Variants in FHIP2B observed in about 807,000 individuals in gnomAD.
FHIP2B encodes the protein FHF complex subunit HOOK-interacting protein 2B.
FHIP2B carries 72 observed loss-of-function variants against 84.0 expected under a neutral mutation model. That is an observed-to-expected ratio of 0.86 (90% CI 0.71 to 1.04). The LOEUF (loss-of-function observed/expected upper bound fraction) is 1.04. Ranked by LOEUF, FHIP2B falls within the 50% of genes least tolerant of loss-of-function variation. The pLI is 0.00. For synonymous variants in FHIP2B, 497 were observed against 418.7 expected (o/e 1.19, Z -2.28); for missense variants, 972 against 968.9 (o/e 1.00, Z -0.04).
At chr8:22,094,377 A>C in intron 1 of FHIP2B, 63 bp from the exon 2 acceptor site, 1 of 1,503,954 alleles carries the variant, frequency 6.6e-7, no homozygotes, top group South Asian at 1.3e-5. Flanking sequence ...ATCTGTTCCC[A>C]TGCGGGCAGG....
chr8:22,097,688 CCT>C (rs1290393936), intron 4 of FHIP2B, 27 bp from the exon 5 acceptor site: 3 of 1,610,850 alleles, frequency 1.9e-6, no homozygotes, highest in East Asian at 2.2e-5. Flanking sequence ...ACCCCTCTCC[CCT>C]CTGTTTCTGT....
intron 2 of FHIP2B, chr8:22,095,776 C>T (rs1036963803): frequency 6.6e-6 from 1 of 152,302 alleles, no homozygotes; most frequent in African/African-American, 2.4e-5. Flanking sequence ...CAAAAGCCCC[C>T]ACTAAGTAGC....
rs766016466 is a variant in FHIP2B at position 22,099,707 on chromosome 8, C to T, written c.1155C>T (p.Ser385=). The change falls in exon 10 of 17, where the codon TCC becomes TCT. Residue 385 remains serine (S), a synonymous_variant. Transcript: ENST00000289921. ...CTAAGGTGCCCTCTTCCCGTAGGTCCGAGCAGAGCATCTTGACCTCCACCG... is the reference window on the plus strand; with the variant it reads ...CTAAGGTGCCCTCTTCCCGTAGGTCTGAGCAGAGCATCTTGACCTCCACCG... ...ETLQPQLLHV[S]EQSILTSTAL... 2.5e-5 allele frequency: 39 copies of T among 1,581,596 alleles called. No individual in the cohort carries two copies. The Middle Eastern group carries it at 9.1e-4, about 37-fold the overall frequency.
At chr8:22,090,729 A>G (rs571191677) in intron 1 of FHIP2B, among the ~76,000 whole-genome samples, 5 of 152,068 alleles carry the variant, frequency 3.3e-5, no homozygotes, top group Non-Finnish European at 5.9e-5. Context: ...GGCTCAAGCA[A>G]TCCTCCCACC....
intron 5 of FHIP2B, 108 bp downstream of exon 5, chr8:22,097,947 G>T: frequency 9.1e-6 from 14 of 1,546,282 alleles, no homozygotes; most frequent in South Asian, 3.7e-5. Context: ...CGGGAGGCAC[G>T]CAGGCAGCTT....
At chr8:22,093,427 A>G (rs1432782375) in intron 1 of FHIP2B, among the ~76,000 whole-genome samples, 1 of 151,966 alleles carries the variant, frequency 6.6e-6, no homozygotes, top group Non-Finnish European at 1.5e-5. Context: ...CACTCATGGA[A>G]AAGGGGGAGG....
chr8:22,093,329 T>C (rs1825593319), intron 1 of FHIP2B, among the ~76,000 whole-genome samples: 1 of 152,136 alleles, frequency 6.6e-6, no homozygotes, highest in South Asian at 2.1e-4. Context: ...TTGTTGTTGT[T>C]GTTGTTGTTG....
At position 22,097,846 on chromosome 8, in the gene FHIP2B, A is replaced by C. The variant is rs1332674507; in HGVS notation, c.525+7A>C. On this transcript the variant is annotated splice_region_variant and intron_variant, in intron 5 of 16. Transcript: ENST00000289921. The stretch of plus-strand genomic sequence containing the variant: ...GCTCGCCTACATCCTGGAAGTGAGC[A>C]CTCTGATCGGGAACAGGAGGGGGAG... 3 of 1,611,646 alleles carry C rather than the reference A, an allele frequency of 1.9e-6. No individual in the cohort carries two copies. Among genetic ancestry groups the C allele is most frequent in the Non-Finnish European group, 2.5e-6 (3 of 1,178,648 alleles).
chr8:22,094,229 T>G (rs544802271), intron 1 of FHIP2B, among the ~76,000 whole-genome samples: 1 of 152,110 alleles, frequency 6.6e-6, no homozygotes, highest in Admixed American at 6.5e-5. Flanking sequence ...GAGGGGTATC[T>G]AGGGAGAAGT....
intron 1 of FHIP2B, among the ~76,000 whole-genome samples, chr8:22,090,400 C>T (rs1360327681): frequency 6.6e-6 from 1 of 152,186 alleles, no homozygotes; most frequent in Admixed American, 6.5e-5. Flanking sequence ...CTATGACTTC[C>T]TCCACCTTCC....
chr8:22,099,718 T>G lies in FHIP2B; in HGVS notation c.1166T>G (p.Ile389Ser). The change falls in exon 10 of 17, where the codon ATC becomes AGC. Residue 389 changes from isoleucine (I) to serine (S), a missense_variant. By Grantham distance (142) the Ile-to-Ser change is moderately radical. Coordinates refer to ENST00000289921, the MANE Select transcript of FHIP2B (RefSeq NM_022749.7). ...TCTTCCCGTAGGTCCGAGCAGAGCA[T>G]CTTGACCTCCACCGCCCTCCTCACA... Reference protein sequence around the residue: ...PQLLHVSEQSILTSTALLTAM... With the variant: ...PQLLHVSEQSSLTSTALLTAM... 2 of 1,591,874 alleles carry G rather than the reference T, an allele frequency of 1.3e-6. No homozygotes were observed. The highest frequency in any genetic ancestry group is 1.7e-6 in the Non-Finnish European group (2 of 1,173,066).
At position 22,097,799 on chromosome 8, in the gene FHIP2B, A is replaced by T; in HGVS notation, c.485A>T (p.Lys162Met). The part of the protein sequence containing the change: ...EVQFTTVLCS[K>M]IQQDPELLAY... ...CAGTTCACCACCGTCCTCTGCTCCA[A>T]GATCCAGCAGGACCCAGAGCTGCTC... The change falls in exon 5 of 17, where the codon AAG (lysine) becomes ATG (methionine). Residue 162 changes from lysine (K) to methionine (M), a missense_variant. Lys to Met is a moderately conservative substitution (Grantham distance 95). Coordinates refer to ENST00000289921, the MANE Select transcript of FHIP2B (RefSeq NM_022749.7). 1.9e-6 allele frequency: 3 copies of T among 1,613,558 alleles called. No individual in the cohort carries two copies. The highest frequency in any genetic ancestry group is 2.5e-6 in the Non-Finnish European group (3 of 1,179,826).
intron 8 of FHIP2B, 113 bp downstream of exon 8, chr8:22,099,169 G>A: frequency 6.6e-7 from 1 of 1,508,434 alleles, no homozygotes. Context: ...GCTAAGCGGG[G>A]CCCCAGGCGG....
intron 11 of FHIP2B, 23 bp from the exon 12 acceptor site, chr8:22,100,821 G>T: frequency 6.2e-7 from 1 of 1,613,688 alleles, no homozygotes. Context: ...CACTGGTGCC[G>T]TACTGCTCTG....
At chr8:22,089,558 C>A (rs1825355528) in intron 1 of FHIP2B, among the ~76,000 whole-genome samples, 1 of 152,078 alleles carries the variant, frequency 6.6e-6, no homozygotes, top group African/African-American at 2.4e-5. Context: ...GTCTGTGCGT[C>A]CTGGCCCCGG....
intron 15 of FHIP2B, 93 bp from the exon 16 acceptor site, chr8:22,102,434 AG>A: frequency 6.5e-7 from 1 of 1,526,794 alleles, no homozygotes; most frequent in South Asian, 1.2e-5. Flanking sequence ...TGCCAGGGAA[AG>A]CACAGTCTCC....
chr8:22,101,832 T>C lies in FHIP2B; in HGVS notation c.1832T>C (p.Met611Thr), dbSNP rs769595796. The change falls in exon 14 of 17, where the codon ATG (methionine) becomes ACG (threonine). Residue 611 changes from methionine to threonine, a missense_variant. By Grantham distance (81) the Met-to-Thr change is moderately conservative (BLOSUM62 -1). Coordinates refer to ENST00000289921, the MANE Select transcript of FHIP2B (RefSeq NM_022749.7). Reference sequence around the variant, plus strand: ...TTCCTCCGAGTGCTGTTTGACCGCATGTCCCGGATTCTGGATCAGGTAGCT... The same window carrying C: ...TTCCTCCGAGTGCTGTTTGACCGCACGTCCCGGATTCTGGATCAGGTAGCT... The part of the protein sequence containing the change: ...GHFLRVLFDR[M>T]SRILDQPYSL... The C allele has an allele frequency of 1.2e-6, 2 of 1,613,634 alleles. No individual in the cohort carries two copies. Among genetic ancestry groups the C allele is most frequent in the African/African-American group, 1.3e-5 (1 of 75,058 alleles).
intron 1 of FHIP2B, among the ~76,000 whole-genome samples, chr8:22,091,649 C>T (rs1217105804): frequency 6.6e-6 from 1 of 152,172 alleles, no homozygotes; most frequent in Non-Finnish European, 1.5e-5. Flanking sequence ...CCTGTGTCAC[C>T]AGCTCTCTAA....
Position 22,098,247 on chromosome 8 carries a change from G to T in FHIP2B, c.705G>T (p.Glu235Asp). ...GCCACATGCCTGCTGAGACCGAGGA[G>T]CTGGACGGTGGGACCACAGAGAGCA... Reference protein sequence around the residue: ...LNSHMPAETEELDGGTTESNL... With the variant: ...LNSHMPAETEDLDGGTTESNL... The change falls in exon 6 of 17, where the codon GAG (glutamate) becomes GAT (aspartate). Residue 235 changes from glutamate to aspartate, a missense_variant. By Grantham distance (45) the Glu-to-Asp change is conservative. Transcript: ENST00000289921. 6.3e-7 allele frequency: 1 copy of T among 1,594,042 alleles called. No individual in the cohort carries two copies. Among genetic ancestry groups the T allele is most frequent in the Non-Finnish European group, 8.5e-7 (1 of 1,170,902 alleles).
Sources: allele counts gnomAD v4.1 joint callset (sites outside exome capture counted in the v4.1 genomes callset), GRCh38; gene constraint gnomAD v4.1.1; transcripts MANE v1.5; gene names NCBI Gene and HGNC (gene_info 2026-07-23, HGNC 2026-07-21).